Variants in DGKI observed in about 807,000 individuals in gnomAD.
DGKI encodes the protein diacylglycerol kinase iota, also known as DAG kinase iota.
In DGKI, 55 loss-of-function variants were observed where a neutral mutation model predicts 147.5. The observed-to-expected ratio is 0.37, with a 90% CI of 0.30 to 0.47. DGKI has a LOEUF of 0.47. Among genes scored for constraint, DGKI ranks in the 20% least tolerant of loss-of-function variants. The pLI is 1.00. For synonymous variants in DGKI, 469 were observed against 477.1 expected, an observed-to-expected ratio of 0.98 and a Z score of 0.22; for missense variants, 1,007 against 1,323.8, an observed-to-expected ratio of 0.76 and a Z score of 3.71.
intron 21 of DGKI, among the ~76,000 whole-genome samples, chr7:137,515,698 A>T (rs1446604151): frequency 1.3e-5 from 2 of 152,156 alleles, no homozygotes; most frequent in Non-Finnish European, 2.9e-5. Flanking sequence ...CTGTGCCTCA[A>T]TTGCTTTATA....
At chr7:137,808,466 A>C (rs191861754) in intron 1 of DGKI, among the ~76,000 whole-genome samples, 1 of 152,186 alleles carries the variant, frequency 6.6e-6, no homozygotes, top group African/African-American at 2.4e-5. Context: ...ACCATCACAC[A>C]GTGCTGCCTC....
intron 27 of DGKI, among the ~76,000 whole-genome samples, chr7:137,462,189 T>A (rs1814470998): frequency 1.3e-5 from 2 of 152,130 alleles, no homozygotes; most frequent in South Asian, 4.1e-4. Flanking sequence ...AATTTCTATT[T>A]CTGTAGCTAA....
chr7:137,805,146 A>C (rs1385407336), intron 1 of DGKI, among the ~76,000 whole-genome samples: 1 of 152,184 alleles, frequency 6.6e-6, no homozygotes, highest in African/African-American at 2.4e-5. Context: ...TTCTCTCTGT[A>C]TGCCTTCTCC....
At chr7:137,493,760 A>T (rs1417736821) in intron 21 of DGKI, 1 of 701,880 alleles carries the variant, frequency 1.4e-6, no homozygotes, top group East Asian at 2.7e-5. Flanking sequence ...CTGGCAACTC[A>T]AAAAGCCAGA....
chr7:137,532,709 T>C (rs1403713746), intron 20 of DGKI, among the ~76,000 whole-genome samples: 1 of 152,174 alleles, frequency 6.6e-6, no homozygotes, highest in Non-Finnish European at 1.5e-5. Context: ...CCTCTAAACC[T>C]GACCCTCCCG....
intron 1 of DGKI, among the ~76,000 whole-genome samples, chr7:137,743,326 C>T (rs897200767): frequency 6.6e-6 from 1 of 152,210 alleles, no homozygotes; most frequent in African/African-American, 2.4e-5. Flanking sequence ...AAAGAAAATA[C>T]ATTCTTCTCA....
chr7:137,818,921 TAATGTTTTTCCCCTCA>T (rs1797815809), intron 1 of DGKI, among the ~76,000 whole-genome samples: 1 of 152,200 alleles, frequency 6.6e-6, no homozygotes, highest in South Asian at 2.1e-4. Flanking sequence ...AACTTTAAAA[TAATGTTTTTCCCCTCA>T]AATGACCTAA....
At chr7:137,826,670 A>G (rs1046069936) in intron 1 of DGKI, among the ~76,000 whole-genome samples, 14 of 151,400 alleles carry the variant, frequency 9.2e-5, no homozygotes, top group African/African-American at 2.9e-4. Flanking sequence ...AAATCTATCC[A>G]CTTCATTTTT....
chr7:137,489,168 T>C (rs1193138488), intron 21 of DGKI, among the ~76,000 whole-genome samples: 2 of 152,054 alleles, frequency 1.3e-5, no homozygotes, highest in Admixed American at 6.6e-5. Flanking sequence ...TGTGAGTGAG[T>C]GTGGATTGTT....
Position 137,415,732 on chromosome 7 carries a change from A to G in DGKI, c.2762-3525T>C, listed in dbSNP as rs960443494. ...CATGGTGGCTCACATCTGTAATCCC[A>G]GCACTTCAGGAGGCCAAGGCAGGTG... On this transcript the variant is annotated intron_variant, in intron 28 of 32. Coordinates refer to ENST00000614521, the MANE Select transcript of DGKI (RefSeq NM_001321708.2). Among the ~76,000 whole-genome samples the G allele has an allele frequency of 1.8e-4, 27 of 152,328 alleles. 1 individual carries two copies. The highest frequency in any genetic ancestry group is 6.0e-4 in the African/African-American group (25 of 41,568).
At chr7:137,735,511 T>C (rs1563173237) in intron 1 of DGKI, among the ~76,000 whole-genome samples, 1 of 151,968 alleles carries the variant, frequency 6.6e-6, no homozygotes, top group Non-Finnish European at 1.5e-5. Context: ...ACAGTTTAGT[T>C]GTATATCTGA....
intron 1 of DGKI, among the ~76,000 whole-genome samples, chr7:137,824,078 C>T (rs1205040773): frequency 6.6e-6 from 1 of 152,012 alleles, no homozygotes; most frequent in African/African-American, 2.4e-5. Context: ...AAATCCTCAC[C>T]TCAGAAGGGA....
At chr7:137,748,729 T>G (rs1031681664) in intron 1 of DGKI, among the ~76,000 whole-genome samples, 1 of 152,192 alleles carries the variant, frequency 6.6e-6, no homozygotes, top group Non-Finnish European at 1.5e-5. Context: ...CCATTTTAAA[T>G]CCACCATTCC....
intron 1 of DGKI, among the ~76,000 whole-genome samples, chr7:137,824,409 G>A (rs977756579): frequency 1.1e-4 from 16 of 151,770 alleles, no homozygotes; most frequent in South Asian, 2.1e-4. Context: ...CCAACTACTC[G>A]GGAGGCTGAG....
chr7:137,827,863 T>C (rs368386494), intron 1 of DGKI, among the ~76,000 whole-genome samples: 209 of 152,352 alleles, frequency 1.4e-3, no homozygotes, highest in African/African-American at 5.0e-3. Flanking sequence ...TGTTTCTAGT[T>C]TGCCATTTAG....
chr7:137,639,947 T>A (rs1247731969), intron 6 of DGKI, among the ~76,000 whole-genome samples: 1 of 152,088 alleles, frequency 6.6e-6, no homozygotes, highest in Non-Finnish European at 1.5e-5. Flanking sequence ...CCACAATCCA[T>A]GACAAAAGCA....
intron 1 of DGKI, among the ~76,000 whole-genome samples, chr7:137,705,433 T>A (rs1793986241): frequency 6.6e-6 from 1 of 151,994 alleles, no homozygotes; most frequent in Non-Finnish European, 1.5e-5. Flanking sequence ...CATGAATGAA[T>A]CTCAGAAACG....
chr7:137,541,655 G>A (rs1468821576), intron 20 of DGKI, among the ~76,000 whole-genome samples: 2 of 152,006 alleles, frequency 1.3e-5, no homozygotes, highest in African/African-American at 2.4e-5. Context: ...CAATTCAATA[G>A]GAAAAGATAA....
chr7:137,673,680 C>T (rs950697262), intron 3 of DGKI, among the ~76,000 whole-genome samples: 1 of 152,176 alleles, frequency 6.6e-6, no homozygotes, highest in African/African-American at 2.4e-5. Context: ...TTCTGACCAC[C>T]CATGCTACCC....
Sources: allele counts gnomAD v4.1 joint callset (sites outside exome capture counted in the v4.1 genomes callset), GRCh38; gene constraint gnomAD v4.1.1; transcripts MANE v1.5; gene names NCBI Gene and HGNC (gene_info 2026-07-23, HGNC 2026-07-21).